SNTG1: variants seen among roughly 807,000 people sequenced by gnomAD.
SNTG1 encodes gamma-1-syntrophin.
In SNTG1, 39 loss-of-function variants were observed where a neutral mutation model predicts 74.7. That is an observed-to-expected ratio of 0.52 (90% confidence interval 0.40 to 0.68). The LOEUF (loss-of-function observed/expected upper bound fraction) is 0.68, where lower values mean the gene tolerates loss of function less well. SNTG1 is among the 30% of genes least tolerant of loss of function. The pLI, the probability that SNTG1 is intolerant of heterozygous loss-of-function variation, is 0.00. For synonymous variants in SNTG1, 254 were observed against 217.1 expected (o/e 1.17, Z -1.49); for missense variants, 685 against 609.5 (o/e 1.12, Z -1.30).
At chr8:50,644,598 C>A (rs554649632) in intron 13 of SNTG1, 44 of 152,242 alleles carry the variant, frequency 2.9e-4, no homozygotes, top group African/African-American at 1.0e-3. Flanking sequence ...TTCCAGTCGA[C>A]AGTAGGCTAT....
At chr8:50,561,146 A>AGTG (rs373010023) in intron 12 of SNTG1, among the ~76,000 whole-genome samples, 215 of 152,220 alleles carry the variant, frequency 1.4e-3, no homozygotes, top group African/African-American at 4.8e-3. Flanking sequence ...TTCTCATGAT[A>AGTG]GTGAGTGAGT....
intron 2 of SNTG1, among the ~76,000 whole-genome samples, chr8:50,285,351 A>G (rs186865994): frequency 0.022 from 3,415 of 152,248 alleles, 72 homozygotes; most frequent in Non-Finnish European, 0.037. Flanking sequence ...ATCAGCAAGT[A>G]TATGGTGTTT....
At chr8:50,161,577 G>T (rs2082416367) in intron 1 of SNTG1, among the ~76,000 whole-genome samples, 6 of 152,114 alleles carry the variant, frequency 3.9e-5, no homozygotes, top group Admixed American at 3.9e-4. Flanking sequence ...AGTGTGTGGT[G>T]CATGTGTTGT....
At chr8:50,376,602 G>A (rs905957111) in intron 2 of SNTG1, among the ~76,000 whole-genome samples, 11 of 151,314 alleles carry the variant, frequency 7.3e-5, no homozygotes, top group Non-Finnish European at 1.2e-4. Context: ...ATACTGTGTC[G>A]TCCACTTTCA....
At chr8:49,968,167 A>C (rs1811323314) in intron 1 of SNTG1, among the ~76,000 whole-genome samples, 1 of 152,170 alleles carries the variant, frequency 6.6e-6, no homozygotes, top group African/African-American at 2.4e-5. Context: ...GCAGAAGGAA[A>C]AATGTATTTT....
chr8:50,321,907 G>A (rs989084041), intron 2 of SNTG1, among the ~76,000 whole-genome samples: 2 of 151,974 alleles, frequency 1.3e-5, no homozygotes, highest in South Asian at 2.1e-4. Flanking sequence ...TCTTAAAAAT[G>A]TGTTGTAGTT....
chr8:49,968,489 A>C (rs1263826445), intron 1 of SNTG1, among the ~76,000 whole-genome samples: 5 of 152,186 alleles, frequency 3.3e-5, no homozygotes, highest in Non-Finnish European at 2.9e-5. Flanking sequence ...TTTTCATAAG[A>C]TCTAAAGTGG....
rs186822246 is a variant in SNTG1 at position 50,477,175 on chromosome 8, A to G, written c.364-25603A>G. On this transcript the variant is annotated intron_variant, in intron 8 of 18. Coordinates refer to ENST00000642720, the MANE Select transcript of SNTG1 (RefSeq NM_018967.5). ...GTGAAGTATGACTTGCCACTTCTTA[A>G]GTATGGGCTGTCCATTCTGACTTCC... 2.0e-5 allele frequency among the ~76,000 whole-genome samples: 3 copies of G among 152,132 alleles called. No individual in the cohort carries two copies. In the East Asian group the frequency reaches 5.8e-4, roughly 30 times the overall value.
intron 4 of SNTG1, among the ~76,000 whole-genome samples, chr8:50,417,536 T>TG (rs1587545352): frequency 6.6e-6 from 1 of 152,278 alleles, no homozygotes; most frequent in East Asian, 1.9e-4. Context: ...GTTATATAAT[T>TG]GCCTGCAAGT....
intron 4 of SNTG1, among the ~76,000 whole-genome samples, chr8:50,416,517 G>T (rs1029324856): frequency 1.3e-5 from 2 of 151,872 alleles, no homozygotes; most frequent in Non-Finnish European, 2.9e-5. Flanking sequence ...TCTTCTTTAT[G>T]GTTTTCAAGA....
intron 12 of SNTG1, among the ~76,000 whole-genome samples, chr8:50,563,841 T>A (rs2130707020): frequency 6.6e-6 from 1 of 152,220 alleles, no homozygotes; most frequent in South Asian, 2.1e-4. Flanking sequence ...CAATTAGAAA[T>A]CTCTCCTGAA....
rs192653145 is a variant in SNTG1, at chr8:50,129,115, G to C, written c.-102-43446G>C. Among the ~76,000 whole-genome samples, 292 of 152,014 alleles carry C rather than the reference G, an allele frequency of 1.9e-3. 1 individual carries two copies. Among genetic ancestry groups the C allele is most frequent in the African/African-American group, 6.8e-3 (280 of 41,474 alleles). Reference sequence around the variant, plus strand: ...TGATAGCATTAAACTGATTTATTTAGGCAACAAATATTTACTGAGTGCCTA... The same window carrying C: ...TGATAGCATTAAACTGATTTATTTACGCAACAAATATTTACTGAGTGCCTA... On this transcript the variant is annotated intron_variant, in intron 1 of 18. Transcript: ENST00000642720.
chr8:50,416,391 G>A (rs1382565328), intron 4 of SNTG1, among the ~76,000 whole-genome samples: 1 of 152,150 alleles, frequency 6.6e-6, no homozygotes. Context: ...GATCCACATA[G>A]CCAATATGTC....
chr8:50,303,965 A>T (rs2089767159), intron 2 of SNTG1, among the ~76,000 whole-genome samples: 1 of 152,164 alleles, frequency 6.6e-6, no homozygotes, highest in South Asian at 2.1e-4. Flanking sequence ...CACAATAGTT[A>T]TGCCAAAACA....
chr8:50,437,654 G>A (rs761822879), intron 4 of SNTG1, among the ~76,000 whole-genome samples: 1 of 152,148 alleles, frequency 6.6e-6, no homozygotes, highest in Non-Finnish European at 1.5e-5. Context: ...TACCCCAGAT[G>A]CAGGGGAAAA....
intron 13 of SNTG1, among the ~76,000 whole-genome samples, chr8:50,617,292 C>T (rs2094891199): frequency 1.3e-5 from 2 of 151,698 alleles, no homozygotes; most frequent in Admixed American, 1.3e-4. Flanking sequence ...TTTTTCAATC[C>T]TCAGTTAATT....
intron 1 of SNTG1, among the ~76,000 whole-genome samples, chr8:49,917,914 C>G (rs1585492614): frequency 6.6e-6 from 1 of 152,198 alleles, no homozygotes; most frequent in South Asian, 2.1e-4. Flanking sequence ...AACGTGAGAA[C>G]TGAAAATAGA....
chr8:50,699,484 C>G (rs554741824), intron 15 of SNTG1, among the ~76,000 whole-genome samples: 1 of 151,828 alleles, frequency 6.6e-6, no homozygotes, highest in African/African-American at 2.4e-5. Flanking sequence ...ATGAAGTACC[C>G]TGGAAAAGCA....
intron 9 of SNTG1, among the ~76,000 whole-genome samples, chr8:50,525,865 G>C (rs893839563): frequency 1.3e-5 from 2 of 150,100 alleles, no homozygotes; most frequent in African/African-American, 4.9e-5. Flanking sequence ...GGTTTTCGGT[G>C]GTTTATTTTG....
Sources: allele counts gnomAD v4.1 joint callset (sites outside exome capture counted in the v4.1 genomes callset), GRCh38; gene constraint gnomAD v4.1.1; transcripts MANE v1.5; gene names NCBI Gene and HGNC (gene_info 2026-07-23, HGNC 2026-07-21).